Variants in PRP4K observed in about 807,000 individuals in gnomAD.
PRP4K encodes the protein pre-mRNA processing factor kinase PRP4K.
the PRP4K span, among the ~76,000 whole-genome samples, chr6:4,023,872 ATT>A: frequency 6.8e-6 from 1 of 146,362 alleles, no homozygotes. Flanking sequence ...TGCCCAGCTA[ATT>A]TTTTTTTTTT....
the PRP4K span, among the ~76,000 whole-genome samples, chr6:4,045,620 A>G: frequency 6.6e-5 from 10 of 152,242 alleles, no homozygotes; most frequent in Non-Finnish European, 8.8e-5. Context: ...TTATATTTCT[A>G]TCTCTTATTA....
At chr6:4,046,864 G>A in the PRP4K span, among the ~76,000 whole-genome samples, 1 of 151,998 alleles carries the variant, frequency 6.6e-6, no homozygotes, top group Non-Finnish European at 1.5e-5. Flanking sequence ...CGCCTTGTTG[G>A]CCAGGCTGGT....
At chr6:4,024,086 C>T in the PRP4K span, among the ~76,000 whole-genome samples, 2 of 152,058 alleles carry the variant, frequency 1.3e-5, no homozygotes. Flanking sequence ...AGGATGGTCC[C>T]GATCTCCTGA....
chr6:4,040,039 A>G, the PRP4K span, among the ~76,000 whole-genome samples: 2 of 151,742 alleles, frequency 1.3e-5, no homozygotes, highest in Admixed American at 1.3e-4. Context: ...ACGCACCACC[A>G]CACCCAGCTA....
the PRP4K span, chr6:4,061,850 A>G: frequency 6.6e-6 from 1 of 152,606 alleles, no homozygotes; most frequent in East Asian, 1.9e-4. Context: ...GACCATGCAG[A>G]TTTCTGTATG....
At chr6:4,022,191 C>T in the PRP4K span, among the ~76,000 whole-genome samples, 9 of 97,378 alleles carry the variant, frequency 9.2e-5, no homozygotes, top group Non-Finnish European at 1.7e-4. Flanking sequence ...GAGTTTATAA[C>T]CCTTCTTTAG....
the PRP4K span, among the ~76,000 whole-genome samples, chr6:4,023,722 T>C: frequency 6.6e-6 from 1 of 152,160 alleles, no homozygotes; most frequent in Non-Finnish European, 1.5e-5. Context: ...TTTTGTTCAT[T>C]TTATTTATTT....
the PRP4K span, among the ~76,000 whole-genome samples, chr6:4,021,981 A>G: frequency 2.0e-5 from 3 of 152,118 alleles, no homozygotes; most frequent in Non-Finnish European, 4.4e-5. Context: ...CTCTCTGGCC[A>G]TCCCAGAGCT....
the PRP4K span, among the ~76,000 whole-genome samples, chr6:4,045,062 C>T: frequency 6.6e-6 from 1 of 151,854 alleles, no homozygotes; most frequent in South Asian, 2.1e-4. Flanking sequence ...GGGGTTTCAC[C>T]GTGTTAGCCA....
the PRP4K span, among the ~76,000 whole-genome samples, chr6:4,037,872 T>A: frequency 6.6e-6 from 1 of 151,694 alleles, no homozygotes; most frequent in African/African-American, 2.4e-5. Flanking sequence ...TTTTTTTTTT[T>A]AACCAGCAAG....
At chr6:4,035,870 C>T in the PRP4K span, among the ~76,000 whole-genome samples, 3 of 151,942 alleles carry the variant, frequency 2.0e-5, no homozygotes, top group Admixed American at 6.6e-5. Flanking sequence ...AAGGCTGAGG[C>T]GGGAGAATCT....
At chr6:4,046,292 ATGT>A in the PRP4K span, among the ~76,000 whole-genome samples, 44 of 152,304 alleles carry the variant, frequency 2.9e-4, no homozygotes, top group African/African-American at 9.9e-4. Flanking sequence ...TGTTAACAGA[ATGT>A]TGTTGTACTT....
the PRP4K span, among the ~76,000 whole-genome samples, chr6:4,046,980 C>G: frequency 1.3e-5 from 2 of 152,160 alleles, no homozygotes; most frequent in South Asian, 2.1e-4. Flanking sequence ...TTCTGAAATG[C>G]ACTCTGTTAC....
At chr6:4,021,309 C>T in the PRP4K span, 1 of 1,388,660 alleles carries the variant, frequency 7.2e-7, no homozygotes, top group South Asian at 1.3e-5. Context: ...CAGAACCCAG[C>T]TCTTCCCTAC....
the PRP4K span, among the ~76,000 whole-genome samples, chr6:4,041,974 AG>A: frequency 6.6e-6 from 1 of 152,122 alleles, no homozygotes; most frequent in Non-Finnish European, 1.5e-5. Flanking sequence ...GTGGTATTTG[AG>A]GGTTAGTGCG....
the PRP4K span, chr6:4,061,662 C>T: frequency 1.3e-5 from 2 of 152,606 alleles, no homozygotes; most frequent in South Asian, 2.1e-4. Flanking sequence ...CAGGCATAAA[C>T]CTTCCACTCT....
the PRP4K span, among the ~76,000 whole-genome samples, chr6:4,044,887 G>C: frequency 7.0e-6 from 1 of 142,958 alleles, no homozygotes; most frequent in Non-Finnish European, 1.5e-5. Flanking sequence ...TTAAGAGACA[G>C]AGTCTTGCTC....
At chr6:4,053,842 T>A in the PRP4K span, among the ~76,000 whole-genome samples, 1 of 152,226 alleles carries the variant, frequency 6.6e-6, no homozygotes, top group Non-Finnish European at 1.5e-5. Flanking sequence ...TGTAAGGTGT[T>A]CTTTATTGGG....
At chr6:4,052,849 A>G in the PRP4K span, 3 of 1,612,658 alleles carry the variant, frequency 1.9e-6, no homozygotes, top group Non-Finnish European at 2.5e-6. Context: ...TCCTACATGC[A>G]GATATCAAGC....
Sources: allele counts gnomAD v4.1 joint callset (sites outside exome capture counted in the v4.1 genomes callset), GRCh38; gene constraint gnomAD v4.1.1; transcripts MANE v1.5; gene names NCBI Gene and HGNC (gene_info 2026-07-23, HGNC 2026-07-21).